ARHGAP39: variants seen among roughly 807,000 people sequenced by gnomAD.
The protein encoded by ARHGAP39 is Rho GTPase activating protein 39, also known as rho GTPase-activating protein 39.
A neutral mutation model predicts 106.9 loss-of-function variants in ARHGAP39; 44 were observed. The observed-to-expected ratio is 0.41, with a 90% CI of 0.32 to 0.53. The LOEUF (loss-of-function observed/expected upper bound fraction) is 0.53. Ranked by LOEUF, ARHGAP39 falls within the 20% of genes least tolerant of loss-of-function variation. The pLI is 0.21. For synonymous variants in ARHGAP39, 768 were observed against 693.2 expected, an observed-to-expected ratio of 1.11 and a Z score of -1.69; for missense variants, 1,496 against 1,577.3, an observed-to-expected ratio of 0.95 and a Z score of 0.87.
rs139256250 is a variant in ARHGAP39, at chr8:144,637,515, C to G, written c.-81-31820G>C. On this transcript the variant is annotated intron_variant, in intron 1 of 11. Coordinates refer to ENST00000377307, the MANE Select transcript of ARHGAP39 (RefSeq NM_025251.3). ...ATCCCAGCTACTCAGGAGGTTGAGG[C>G]AGGAAAATCGCTTCAACCCGGGAGG... 0.016 allele frequency among the ~76,000 whole-genome samples: 2,472 copies of G among 152,238 alleles called. 208 individuals are homozygous for G. In the East Asian group the frequency reaches 0.24, roughly 15 times the overall value.
chr8:144,554,873 G>A (rs932942022), intron 4 of ARHGAP39, among the ~76,000 whole-genome samples: 1 of 152,176 alleles, frequency 6.6e-6, no homozygotes, highest in African/African-American at 2.4e-5. Flanking sequence ...TGTGCAGAAC[G>A]CCAGAGCCCC....
At position 144,644,334 on chromosome 8, in the gene ARHGAP39, T is replaced by C. The variant is rs1218155999; in HGVS notation, c.-81-38639A>G. Among the ~76,000 whole-genome samples the C allele has an allele frequency of 6.6e-6, 1 of 151,424 alleles. No homozygotes were observed. Among genetic ancestry groups the C allele is most frequent in the East Asian group, 1.9e-4 (1 of 5,188 alleles). On this transcript the variant is annotated intron_variant, in intron 1 of 11. Coordinates refer to ENST00000377307, the MANE Select transcript of ARHGAP39 (RefSeq NM_025251.3). This position sits in a 1 kb window ranked among gnomAD's most constrained non-coding sequence, Gnocchi z 4.8. ...ACAAAGTCAGACACAAAAGATGACATATTGTAGGATTCCATGTCCATGAAG... is the reference window on the plus strand; with the variant it reads ...ACAAAGTCAGACACAAAAGATGACACATTGTAGGATTCCATGTCCATGAAG...
At chr8:144,602,391 G>GTA (rs1820043265) in intron 2 of ARHGAP39, among the ~76,000 whole-genome samples, 3 of 145,478 alleles carry the variant, frequency 2.1e-5, no homozygotes, top group South Asian at 2.3e-4. Context: ...GTACCTGTGT[G>GTA]TGTGCGTGGA....
intron 3 of ARHGAP39, among the ~76,000 whole-genome samples, chr8:144,575,235 C>T (rs1282377164): frequency 2.6e-5 from 4 of 152,184 alleles, no homozygotes; most frequent in Non-Finnish European, 4.4e-5. Flanking sequence ...CACACAACTC[C>T]TAACTTGACA....
At position 144,533,262 on chromosome 8, in the gene ARHGAP39, T is replaced by C. The variant is rs1172257578; in HGVS notation, c.2752A>G (p.Met918Val). The stretch of plus-strand genomic sequence containing the variant: ...ACCTCCTGCAGTGCGCTGCCGAACA[T>C]GGACGGGCTGAACACGGCGTTCTTG... ...HAKNAVFSPS[M>V]FGSALQEVMG... Residue 918 changes from methionine to valine, a missense_variant, in exon 9 of 12, where the codon ATG becomes GTG. By Grantham distance (21) the Met-to-Val change is conservative (BLOSUM62 1). This residue lies in a region of ARHGAP39 where 470 missense variants were observed against 605.1 expected (regional missense o/e 0.78). Transcript: ENST00000377307. 4.3e-6 allele frequency: 7 copies of C among 1,613,142 alleles called. No homozygotes were observed. Among genetic ancestry groups the C allele is most frequent in the East Asian group, 2.2e-5 (1 of 44,880 alleles).
intron 2 of ARHGAP39, among the ~76,000 whole-genome samples, chr8:144,603,886 C>T (rs1177179524): frequency 6.6e-6 from 1 of 151,698 alleles, no homozygotes; most frequent in Non-Finnish European, 1.5e-5. Context: ...GGAATGAGGA[C>T]ATCAGGGACA....
At chr8:144,640,343 A>G (rs1461865045) in intron 1 of ARHGAP39, among the ~76,000 whole-genome samples, 2 of 152,160 alleles carry the variant, frequency 1.3e-5, no homozygotes, top group Non-Finnish European at 2.9e-5. Flanking sequence ...GTGGGAGATA[A>G]TTGAATCATA....
chr8:144,685,102 C>T (rs990161437), intron 1 of ARHGAP39, among the ~76,000 whole-genome samples: 1 of 151,916 alleles, frequency 6.6e-6, no homozygotes, highest in Non-Finnish European at 1.5e-5. Flanking sequence ...CCCCTCACAC[C>T]CCCCTCGGGC....
At chr8:144,567,317 A>C (rs1436650821) in intron 3 of ARHGAP39, among the ~76,000 whole-genome samples, 2 of 152,262 alleles carry the variant, frequency 1.3e-5, no homozygotes, top group African/African-American at 4.8e-5. Flanking sequence ...AGGAGTGACC[A>C]GAAGACAAGA....
intron 1 of ARHGAP39, among the ~76,000 whole-genome samples, chr8:144,658,122 C>T (rs1028259535): frequency 3.3e-5 from 5 of 152,004 alleles, no homozygotes; most frequent in Admixed American, 3.3e-4. Context: ...TTTCTTCTTT[C>T]TTTCGAGACA....
chr8:144,659,473 A>C (rs1821771794), intron 1 of ARHGAP39, among the ~76,000 whole-genome samples: 2 of 152,222 alleles, frequency 1.3e-5, no homozygotes, highest in Non-Finnish European at 2.9e-5. Flanking sequence ...TCCTGTCTTA[A>C]CCATGACAAA....
chr8:144,676,668 C>G (rs1487571075), intron 1 of ARHGAP39, among the ~76,000 whole-genome samples: 1 of 152,250 alleles, frequency 6.6e-6, no homozygotes. Flanking sequence ...CTAGCCCGGG[C>G]ACTCCGGCAG....
chr8:144,637,086 T>C (rs1821190587), intron 1 of ARHGAP39, among the ~76,000 whole-genome samples: 1 of 152,242 alleles, frequency 6.6e-6, no homozygotes, highest in South Asian at 2.1e-4. Flanking sequence ...AGTGTGTGGG[T>C]GTCTGGTGGA....
intron 1 of ARHGAP39, among the ~76,000 whole-genome samples, chr8:144,656,789 CAG>C (rs2129667732): frequency 9.3e-6 from 1 of 108,010 alleles, no homozygotes; most frequent in East Asian, 3.0e-4. Context: ...GCCTGGATGA[CAG>C]AGCAAGACTC....
chr8:144,543,390 G>A (rs538660463), intron 6 of ARHGAP39, among the ~76,000 whole-genome samples: 50 of 152,324 alleles, frequency 3.3e-4, no homozygotes, highest in African/African-American at 1.1e-3. Flanking sequence ...CACTGTGTAT[G>A]TAGAGGCCTC....
At position 144,653,988 on chromosome 8, in the gene ARHGAP39, G is replaced by A. The variant is rs867315530; in HGVS notation, c.-82+31698C>T. On this transcript the variant is annotated intron_variant, in intron 1 of 11. Transcript: ENST00000377307. ...GCGGACAGAGCCGCGCCGTCTGCAC[G>A]TGAGCACGGCTGTCTGGACTGCCGG... 6.6e-5 allele frequency among the ~76,000 whole-genome samples: 10 copies of A among 152,352 alleles called. No homozygotes were observed. The Middle Eastern group carries it at 0.01, about 155-fold the overall frequency.
At chr8:144,582,090 G>C (rs1482478101) in intron 2 of ARHGAP39, among the ~76,000 whole-genome samples, 1 of 152,224 alleles carries the variant, frequency 6.6e-6, no homozygotes, top group Non-Finnish European at 1.5e-5. Context: ...GGGCTGGTGA[G>C]GGGTCTCGTT....
chr8:144,554,719 G>A (rs1475759894), intron 4 of ARHGAP39, among the ~76,000 whole-genome samples: 5 of 152,186 alleles, frequency 3.3e-5, no homozygotes, highest in South Asian at 2.1e-4. Context: ...AGCTCGGGAA[G>A]GCTATAAAAC....
intron 1 of ARHGAP39, among the ~76,000 whole-genome samples, chr8:144,624,199 T>C (rs879602024): frequency 6.6e-6 from 1 of 152,244 alleles, no homozygotes; most frequent in Non-Finnish European, 1.5e-5. Context: ...CCTGCCATGT[T>C]AGCCCCAGTG....
Sources: gnomAD v4.1 joint callset for allele counts (sites outside exome capture counted in the v4.1 genomes callset) on GRCh38, gnomAD v4.1.1 for gene constraint, gnomAD v4.1.1 regional missense constraint, Gnocchi (gnomAD v3.1) non-coding constraint, MANE v1.5 for transcripts, NCBI Gene and HGNC (gene_info 2026-07-23, HGNC 2026-07-21) for gene names.